Variants in VPS33A observed in about 807,000 individuals in gnomAD.
VPS33A encodes VPS33A core subunit of CORVET and HOPS complexes.
Under a neutral mutation model 71.8 loss-of-function variants are expected in VPS33A, and 32 were observed. The ratio of observed to expected loss-of-function variants is 0.45; its 90% confidence interval spans 0.34 to 0.60. The LOEUF is 0.60. Ranked by LOEUF, VPS33A falls within the 20% of genes least tolerant of loss-of-function variation. The probability of loss-of-function intolerance (pLI) is 0.02; values close to 1 mark genes in which losing one functional copy is unlikely to be tolerated. For missense variants in VPS33A, 625 were observed against 748.5 expected (o/e 0.84, Z 1.92); for synonymous variants, 311 against 292.7 (o/e 1.06, Z -0.64).
rs982349767 is a variant in VPS33A at position 122,230,885 on chromosome 12, T to TA, written c.*1360dup. 6.6e-6 allele frequency: 1 copy of TA among 151,938 alleles called. No individual in the cohort carries two copies. Among genetic ancestry groups the TA allele is most frequent in the Non-Finnish European group, 1.5e-5 (1 of 68,018 alleles). The allele number at this position is 151,938 out of a possible 1,614,324, so 9.4% of individuals were successfully genotyped here. On this transcript the variant is annotated 3_prime_UTR_variant, in exon 13 of 13. Transcript: ENST00000267199. ...ACAGCCTGACAGTCTCCTGCAGGAGTAGCAGCAGCTGTGGCTGCTGGTCTC... is the reference window on the plus strand; with the variant it reads ...ACAGCCTGACAGTCTCCTGCAGGAGTAAGCAGCAGCTGTGGCTGCTGGTCTC...
chr12:122,239,770 AAAAAAAAAAG>A, intron 9 of VPS33A, 98 bp downstream of exon 9: 1 of 576,702 alleles, frequency 1.7e-6, no homozygotes, highest in African/African-American at 1.9e-5. Flanking sequence ...AAAAAAAAAA[AAAAAAAAAAG>A]GCAAGGCATG....
At chr12:122,245,124 C>T (rs1954760504) in intron 6 of VPS33A, among the ~76,000 whole-genome samples, 1 of 152,118 alleles carries the variant, frequency 6.6e-6, no homozygotes, top group Admixed American at 6.6e-5. Context: ...TGAAATCAAG[C>T]TGGTGGGTTG....
chr12:122,232,544 T>C, intron 12 of VPS33A, 117 bp from the exon 13 acceptor site: 5 of 1,165,566 alleles, frequency 4.3e-6, no homozygotes, highest in Non-Finnish European at 1.2e-6. Context: ...AGACAGTTCA[T>C]CTGAAACCTA....
intron 3 of VPS33A, among the ~76,000 whole-genome samples, chr12:122,262,291 C>T (rs1284815280): frequency 2.0e-5 from 3 of 152,104 alleles, no homozygotes; most frequent in Admixed American, 6.6e-5. Context: ...TGAGTCCTGG[C>T]GAGTACATTT....
intron 1 of VPS33A, chr12:122,265,856 C>T (rs1477025854): frequency 2.7e-6 from 1 of 370,390 alleles, no homozygotes; most frequent in Non-Finnish European, 5.6e-6. Flanking sequence ...GGTTAAAAGC[C>T]CAAATGATTA....
intron 4 of VPS33A, among the ~76,000 whole-genome samples, chr12:122,259,466 A>G (rs1954964513): frequency 6.6e-6 from 1 of 151,934 alleles, no homozygotes; most frequent in Non-Finnish European, 1.5e-5. Context: ...TGATCCATCC[A>G]CCTCAGCCTC....
intron 7 of VPS33A, among the ~76,000 whole-genome samples, chr12:122,244,159 G>A (rs999745322): frequency 6.6e-6 from 1 of 152,114 alleles, no homozygotes; most frequent in Non-Finnish European, 1.5e-5. Flanking sequence ...TGCCACACGT[G>A]CTGACTTCCC....
At chr12:122,237,804 G>T (rs1323513709) in intron 10 of VPS33A, among the ~76,000 whole-genome samples, 1 of 150,476 alleles carries the variant, frequency 6.6e-6, no homozygotes, top group East Asian at 1.9e-4. Context: ...AAATGCTCAA[G>T]AAATGTTACC....
chr12:122,265,561 CT>C, intron 1 of VPS33A: 1 of 281,866 alleles, frequency 3.5e-6, no homozygotes, highest in Non-Finnish European at 7.6e-6. Context: ...TTTCAGCATC[CT>C]TTTCTGAATT....
At chr12:122,232,563 G>T in intron 12 of VPS33A, 136 bp from the exon 13 acceptor site, 1 of 1,100,408 alleles carries the variant, frequency 9.1e-7, no homozygotes, top group Non-Finnish European at 1.3e-6. Flanking sequence ...TAAGAATACT[G>T]ATTTTGATCT....
chr12:122,255,756 G>A (rs1264942207), intron 4 of VPS33A, among the ~76,000 whole-genome samples: 1 of 147,350 alleles, frequency 6.8e-6, no homozygotes, highest in Non-Finnish European at 1.5e-5. Flanking sequence ...CCTGGTTATA[G>A]GATTAGTCGG....
At chr12:122,236,002 A>C (rs562114950) in intron 10 of VPS33A, 79 bp from the exon 11 acceptor site, 1 of 1,532,604 alleles carries the variant, frequency 6.5e-7, no homozygotes, top group East Asian at 2.3e-5. Flanking sequence ...CACTTCCAAC[A>C]AATCAATTTG....
chr12:122,244,832 C>A, intron 6 of VPS33A, 70 bp from the exon 7 acceptor site: 1 of 1,489,654 alleles, frequency 6.7e-7, no homozygotes, highest in Non-Finnish European at 9.1e-7. Context: ...TAACCAAGCA[C>A]AAAACAGAAT....
intron 4 of VPS33A, among the ~76,000 whole-genome samples, chr12:122,259,187 GTGTATGTA>G (rs71082954): frequency 0.084 from 12,141 of 144,664 alleles, 668 homozygotes; most frequent in Non-Finnish European, 0.13. Context: ...GTATGTATGT[GTGTATGTA>G]TGTATGTATG....
At position 122,259,185 on chromosome 12, in the gene VPS33A, GTGTGTA is replaced by G. The variant is rs1954958300; in HGVS notation, c.483+2070_483+2075del. Among the ~76,000 whole-genome samples, 6 of 125,236 alleles carry G rather than the reference GTGTGTA, an allele frequency of 4.8e-5. 1 individual carries two copies. The highest frequency in any genetic ancestry group is 1.6e-4 in the African/African-American group (6 of 36,488). The allele number at this position is 125,236 out of a possible 152,430, so 82.2% of individuals were successfully genotyped here. ...TAGGGGTGTGTGTGTGTGTATGTATGTGTGTATGTATGTATGTATGTATGTATGTAT... is the reference window on the plus strand; with the variant it reads ...TAGGGGTGTGTGTGTGTGTATGTATGTGTATGTATGTATGTATGTATGTAT... On this transcript the variant is annotated intron_variant, in intron 4 of 12. Coordinates refer to ENST00000267199, the MANE Select transcript of VPS33A (RefSeq NM_022916.6).
At chr12:122,249,752 A>T in intron 6 of VPS33A, 119 bp downstream of exon 6, 2 of 1,046,918 alleles carry the variant, frequency 1.9e-6, no homozygotes, top group Non-Finnish European at 2.7e-6. Flanking sequence ...ACTCTGAATC[A>T]TTAAAATCGG....
chr12:122,241,418 C>T (rs1954713073), intron 8 of VPS33A, among the ~76,000 whole-genome samples: 1 of 151,904 alleles, frequency 6.6e-6, no homozygotes, highest in Non-Finnish European at 1.5e-5. Context: ...AATTCTCCTG[C>T]CTCAGTCTCC....
At chr12:122,252,973 C>T (rs1954864925) in intron 4 of VPS33A, 1 of 152,082 alleles carries the variant, frequency 6.6e-6, no homozygotes, top group African/African-American at 2.4e-5. Flanking sequence ...CCTACCAACC[C>T]AACATGTCCC....
chr12:122,234,365 C>T (rs1338622755), intron 11 of VPS33A, among the ~76,000 whole-genome samples: 1 of 152,122 alleles, frequency 6.6e-6, no homozygotes, highest in Non-Finnish European at 1.5e-5. Context: ...GTAGCCTCAA[C>T]CTCCCAGGCT....
Sources: gnomAD v4.1 joint callset for allele counts (sites outside exome capture counted in the v4.1 genomes callset) on GRCh38, gnomAD v4.1.1 for gene constraint, MANE v1.5 for transcripts, NCBI Gene and HGNC (gene_info 2026-07-23, HGNC 2026-07-21) for gene names.